Variants in MBTD1 observed in about 807,000 individuals in gnomAD.
The protein encoded by MBTD1 is MBT domain-containing protein 1.
MBTD1 carries 24 observed loss-of-function variants against 87.8 expected under a neutral mutation model. The observed-to-expected ratio is 0.27, with a 90% confidence interval of 0.20 to 0.38. The LOEUF (loss-of-function observed/expected upper bound fraction) is 0.38. Among genes scored for constraint, MBTD1 ranks in the 10% least tolerant of loss-of-function variants. MBTD1 has a pLI of 1.00. For missense variants in MBTD1, 436 were observed against 760.2 expected (o/e 0.57, Z 5.02); for synonymous variants, 237 against 248.6 (o/e 0.95, Z 0.44).
chr17:51,202,069 T>C lies in MBTD1; in HGVS notation c.1072A>G (p.Lys358Glu), dbSNP rs1209374763. Residue 358 changes from lysine (K) to glutamate (E), a missense_variant, in exon 11 of 17, where the codon AAG becomes GAG. Physicochemically the swap from Lys to Glu is moderately conservative, Grantham distance 56. Coordinates refer to ENST00000586178, the MANE Select transcript of MBTD1 (RefSeq NM_017643.3). Reference protein sequence around the residue: ...GHRFKRSDITKKQDGHFDTPP... With the variant: ...GHRFKRSDITEKQDGHFDTPP... The stretch of plus-strand genomic sequence containing the variant: ...GTATCAAAATGTCCATCCTGTTTCT[T>C]TGTAATATCTACAAGGAAAAGTTAC... The C allele has an allele frequency of 1.9e-6, 3 of 1,604,002 alleles. No individual in the cohort carries two copies. Among genetic ancestry groups the C allele is most frequent in the South Asian group, 2.2e-5 (2 of 90,358 alleles).
chr17:51,258,824 A>G (rs979445161), intron 2 of MBTD1, among the ~76,000 whole-genome samples: 7 of 152,234 alleles, frequency 4.6e-5, no homozygotes, highest in African/African-American at 1.7e-4. Context: ...ATCTTCAGGC[A>G]TGTAAGCCAG....
chr17:51,209,370 G>C (rs755677153), intron 6 of MBTD1: 118 of 471,022 alleles, frequency 2.5e-4, no homozygotes, highest in Middle Eastern at 1.3e-3. Flanking sequence ...AGGAAGATCT[G>C]CTCCACCACT....
At chr17:51,207,946 AAGGATT>A (rs758565087) in intron 6 of MBTD1, among the ~76,000 whole-genome samples, 9 of 152,210 alleles carry the variant, frequency 5.9e-5, no homozygotes, top group Non-Finnish European at 1.2e-4. Flanking sequence ...TCATAAAGAA[AAGGATT>A]ATGTGAGGTT....
rs148366015 is a variant in MBTD1 at position 51,259,564 on chromosome 17, A to G, written c.-113+271T>C. Among the ~76,000 whole-genome samples the G allele has an allele frequency of 4.0e-3, 603 of 152,008 alleles. 7 individuals carry two copies. Among genetic ancestry groups the G allele is most frequent in the African/African-American group, 0.014 (578 of 41,462 alleles). On this transcript the variant is annotated intron_variant, in intron 1 of 16. Coordinates refer to ENST00000586178, the MANE Select transcript of MBTD1 (RefSeq NM_017643.3). ...AGAGCAGGGGGCGGGGGCAGGACGC[A>G]GAGAAAAACTTTCTTCTCGAATTTT...
Position 51,192,903 on chromosome 17 carries a change from C to G in MBTD1, c.1569G>C (p.Arg523Ser). The G allele has an allele frequency of 1.2e-6, 2 of 1,614,138 alleles. No individual in the cohort carries two copies. Among genetic ancestry groups the G allele is most frequent in the Non-Finnish European group, 1.7e-6 (2 of 1,180,006 alleles). Residue 523 changes from arginine to serine, a missense_variant, in exon 15 of 17, where the codon AGG (arginine) becomes AGC (serine). Around this residue, in one of 5 missense-constraint regions of MBTD1, gnomAD observed 80 missense variants for 182.2 expected, o/e 0.44. Coordinates refer to ENST00000586178, the MANE Select transcript of MBTD1 (RefSeq NM_017643.3). ...CTTCTTCCCATCCATCAAAATGTATCCTCAAGAGACGATGAATAATTCGAG... is the reference window on the plus strand; with the variant it reads ...CTTCTTCCCATCCATCAAAATGTATGCTCAAGAGACGATGAATAATTCGAG... ...TVTRIIHRLLRIHFDGWEEEY... is the reference protein window; with the variant it reads ...TVTRIIHRLLSIHFDGWEEEY...
chr17:51,216,949 C>G (rs1418378062), intron 6 of MBTD1, among the ~76,000 whole-genome samples: 3 of 151,752 alleles, frequency 2.0e-5, no homozygotes, highest in African/African-American at 7.3e-5. Context: ...ACCTGTAATC[C>G]CAGCATTTTG....
In MBTD1 at chr17:51,224,929, G is replaced by T. The variant is rs185231095; in HGVS notation, c.154+79C>A. On this transcript the variant is annotated intron_variant, in intron 3 of 16. Transcript: ENST00000586178. ...TGCCCCTTAATAATTCTAAGGAAGG[G>T]GAAATGACAGAAGAAACCAAATGAA... The T allele has an allele frequency of 1.7e-5, 15 of 858,548 alleles. 1 individual carries two copies. The African/African-American group carries it at 2.1e-4, about 12-fold the overall frequency. 53.2% of individuals were successfully genotyped at this position (858,548 alleles called of 1,614,324 possible).
At chr17:51,185,925 T>C (rs2050515021) in intron 16 of MBTD1, 1 of 152,652 alleles carries the variant, frequency 6.6e-6, no homozygotes, top group South Asian at 2.1e-4. Flanking sequence ...AAAAATTCAA[T>C]GAGTCAGCAT....
rs1423062044 is a variant in MBTD1 at position 51,177,998 on chromosome 17, G to A, written c.*2578C>T. The A allele has an allele frequency of 6.6e-6, 1 of 152,100 alleles. No individual in the cohort carries two copies. Among genetic ancestry groups the A allele is most frequent in the East Asian group, 1.9e-4 (1 of 5,200 alleles). The allele number at this position is 152,100 out of a possible 1,614,324, so 9.4% of individuals were successfully genotyped here. ...ACTGAAAACCCGTGTTAGTATCGTA[G>A]AATAAGAAGTTGATAACAGCTTTAG... On this transcript the variant is annotated 3_prime_UTR_variant, in exon 17 of 17. Transcript: ENST00000586178.
chr17:51,204,372 T>C (rs1193989668), intron 7 of MBTD1, among the ~76,000 whole-genome samples: 1 of 147,958 alleles, frequency 6.8e-6, no homozygotes, highest in African/African-American at 2.5e-5. Flanking sequence ...TTCTCCTACC[T>C]CAGCCTCCTA....
At chr17:51,242,844 T>C (rs764751019) in intron 2 of MBTD1, among the ~76,000 whole-genome samples, 49 of 152,192 alleles carry the variant, frequency 3.2e-4, no homozygotes, top group Admixed American at 8.5e-4. Context: ...AAAAGTCACA[T>C]ACTATATTCC....
Position 51,179,582 on chromosome 17 carries a change from C to T in MBTD1, c.*994G>A, listed in dbSNP as rs2050234541. On this transcript the variant is annotated 3_prime_UTR_variant, in exon 17 of 17. Transcript: ENST00000586178. ...ATTCTCTTTCAAATTAGTTTTCTACCAAATCCAGGATAGATAAAAGCAGAG... is the reference window on the plus strand; with the variant it reads ...ATTCTCTTTCAAATTAGTTTTCTACTAAATCCAGGATAGATAAAAGCAGAG... 7.7e-6 allele frequency: 1 copy of T among 130,022 alleles called. No homozygotes were observed. Among genetic ancestry groups the T allele is most frequent in the African/African-American group, 2.8e-5 (1 of 35,696 alleles). The allele number at this position is 130,022 out of a possible 1,614,324, so 8.1% of individuals were successfully genotyped here.
chr17:51,230,897 G>A (rs907384342), intron 2 of MBTD1, among the ~76,000 whole-genome samples: 1 of 152,152 alleles, frequency 6.6e-6, no homozygotes, highest in African/African-American at 2.4e-5. Flanking sequence ...TTCTAATAGA[G>A]TCATACAGCT....
Position 51,259,892 on chromosome 17 carries a change from A to T in MBTD1, c.-170T>A, listed in dbSNP as rs1410540630. 1 of 1,231,352 alleles carries T rather than the reference A, an allele frequency of 8.1e-7. No individual in the cohort carries two copies. Among genetic ancestry groups the T allele is most frequent in the Non-Finnish European group, 1.0e-6 (1 of 987,758 alleles). The allele number at this position is 1,231,352 out of a possible 1,614,324, so 76.3% of individuals were successfully genotyped here. A position where few individuals can be genotyped will look rare whatever the true frequency, so the allele number is the denominator to read the frequency against. On this transcript the variant is annotated 5_prime_UTR_variant, in exon 1 of 17. Transcript: ENST00000586178. ...GGGTAGGGGTTGTCCGTGCTCCCCG[A>T]GCCCGCGGCGCCCCCTCCCCGGGCT... is the stretch of plus-strand genomic sequence containing the variant.
intron 2 of MBTD1, among the ~76,000 whole-genome samples, chr17:51,241,802 C>T (rs1174033602): frequency 6.6e-6 from 1 of 152,084 alleles, no homozygotes; most frequent in Non-Finnish European, 1.5e-5. Flanking sequence ...CTGACTTCAA[C>T]TGATCTGCCC....
intron 2 of MBTD1, among the ~76,000 whole-genome samples, chr17:51,245,256 T>C (rs749244146): frequency 1.8e-4 from 27 of 152,294 alleles, no homozygotes; most frequent in Non-Finnish European, 2.2e-4. Flanking sequence ...ACTTTTTTTC[T>C]TCTTTAGGGT....
intron 6 of MBTD1, among the ~76,000 whole-genome samples, chr17:51,213,386 CT>C (rs1443704040): frequency 6.6e-6 from 1 of 152,076 alleles, no homozygotes; most frequent in Non-Finnish European, 1.5e-5. Flanking sequence ...GAAGGCTCTG[CT>C]GGGTTAAAGT....
At chr17:51,213,252 A>C (rs1460026061) in intron 6 of MBTD1, among the ~76,000 whole-genome samples, 2 of 150,566 alleles carry the variant, frequency 1.3e-5, no homozygotes, top group Non-Finnish European at 3.0e-5. Context: ...TGCTAGTCTC[A>C]AACTCCTGGG....
chr17:51,204,791 G>A (rs1048381132), intron 7 of MBTD1, among the ~76,000 whole-genome samples: 6 of 152,184 alleles, frequency 3.9e-5, no homozygotes, highest in Non-Finnish European at 7.3e-5. Context: ...ATGAGCCACT[G>A]TGCTTGGCCT....
Sources: gnomAD v4.1 joint callset for allele counts (sites outside exome capture counted in the v4.1 genomes callset) on GRCh38, gnomAD v4.1.1 for gene constraint, gnomAD v4.1.1 regional missense constraint, MANE v1.5 for transcripts, NCBI Gene and HGNC (gene_info 2026-07-23, HGNC 2026-07-21) for gene names.